The following PRR16 variants were observed in gnomAD, a reference collection of about 807,000 sequenced individuals.
PRR16 encodes proline rich 16, also known as protein Largen.
Under a neutral mutation model 18.2 loss-of-function variants are expected in PRR16, and 6 were observed. That is an observed-to-expected ratio of 0.33 (90% CI 0.18 to 0.65). PRR16 has a LOEUF of 0.65. Ranked by LOEUF, PRR16 falls within the 30% of genes least tolerant of loss-of-function variation. PRR16 has a pLI of 0.74. For synonymous variants in PRR16, 151 were observed against 147.8 expected (o/e 1.02, Z -0.16); for missense variants, 412 against 376.6 (o/e 1.09, Z -0.78).
intron 1 of PRR16, among the ~76,000 whole-genome samples, chr5:120,673,693 C>G (rs1756693147): frequency 6.6e-6 from 1 of 152,048 alleles, no homozygotes; most frequent in African/African-American, 2.4e-5. Flanking sequence ...AATCCCAGCA[C>G]TTTGGGAGAA....
At chr5:120,508,434 G>A (rs1750715413) in intron 1 of PRR16, among the ~76,000 whole-genome samples, 1 of 152,038 alleles carries the variant, frequency 6.6e-6, no homozygotes, top group African/African-American at 2.4e-5. Context: ...GAGAATGTGT[G>A]GAGTCTGATG....
the PRR16 span, among the ~76,000 whole-genome samples, chr5:120,782,593 T>C: frequency 2.0e-5 from 3 of 152,070 alleles, no homozygotes; most frequent in Admixed American, 6.6e-5. Context: ...CAGTCATAAG[T>C]TACAAGGTAG....
At chr5:120,748,588 G>A in the PRR16 span, among the ~76,000 whole-genome samples, 2 of 151,986 alleles carry the variant, frequency 1.3e-5, no homozygotes, top group Non-Finnish European at 2.9e-5. Flanking sequence ...AAGAATACAA[G>A]GTCTTATGAA....
intron 1 of PRR16, among the ~76,000 whole-genome samples, chr5:120,656,147 A>G (rs538636191): frequency 8.6e-5 from 13 of 151,698 alleles, no homozygotes; most frequent in East Asian, 1.9e-4. Flanking sequence ...CTTTTCACCA[A>G]TGACTGTCTT....
intron 1 of PRR16, among the ~76,000 whole-genome samples, chr5:120,652,274 T>C: frequency 6.6e-6 from 1 of 152,078 alleles, no homozygotes; most frequent in East Asian, 1.9e-4. Flanking sequence ...ACATCATGAA[T>C]TGGACCTGTG....
At chr5:120,534,241 G>C (rs1462480675) in intron 1 of PRR16, among the ~76,000 whole-genome samples, 1 of 152,198 alleles carries the variant, frequency 6.6e-6, no homozygotes, top group Admixed American at 6.5e-5. Context: ...AAGAGAGATA[G>C]AGCAGAGGGT....
At chr5:120,789,858 G>T in the PRR16 span, 2 of 151,976 alleles carry the variant, frequency 1.3e-5, no homozygotes, top group African/African-American at 2.4e-5. Flanking sequence ...ATTAGCAAAT[G>T]ATTGCTTCAT....
At chr5:120,601,364 A>G (rs1259682516) in intron 1 of PRR16, among the ~76,000 whole-genome samples, 17 of 151,906 alleles carry the variant, frequency 1.1e-4, no homozygotes, top group Admixed American at 1.1e-3. Context: ...GGCCTTGTGT[A>G]TGTCTTCTTT....
intron 1 of PRR16, among the ~76,000 whole-genome samples, chr5:120,577,201 A>T (rs1044037845): frequency 1.3e-5 from 2 of 152,108 alleles, no homozygotes; most frequent in African/African-American, 4.8e-5. Context: ...AAGGATGTGC[A>T]CTGAAATTAT....
intron 1 of PRR16, among the ~76,000 whole-genome samples, chr5:120,621,453 C>A (rs1754686949): frequency 1.3e-5 from 2 of 152,052 alleles, no homozygotes; most frequent in African/African-American, 4.8e-5. Flanking sequence ...AGTCTCTGAT[C>A]CCCCTGTCCA....
At chr5:120,738,092 T>C in the PRR16 span, among the ~76,000 whole-genome samples, 4 of 151,562 alleles carry the variant, frequency 2.6e-5, no homozygotes, top group Admixed American at 6.6e-5. Flanking sequence ...TAGAGTAGTA[T>C]AAAGAATCAT....
the PRR16 span, among the ~76,000 whole-genome samples, chr5:120,758,697 G>A: frequency 6.6e-6 from 1 of 151,880 alleles, no homozygotes; most frequent in Admixed American, 6.6e-5. Context: ...GCTTCCCCTT[G>A]GCCTCCTGTT....
chr5:120,778,561 C>T, the PRR16 span, among the ~76,000 whole-genome samples: 1 of 152,058 alleles, frequency 6.6e-6, no homozygotes, highest in African/African-American at 2.4e-5. Context: ...AGATGTTTTC[C>T]CAAGTCCAAT....
intron 1 of PRR16, among the ~76,000 whole-genome samples, chr5:120,532,233 A>C (rs1466372370): frequency 1.3e-5 from 2 of 152,162 alleles, no homozygotes; most frequent in African/African-American, 4.8e-5. Context: ...TTAGGTAAAG[A>C]TATTATACAA....
chr5:120,494,170 G>A (rs1015214640), intron 1 of PRR16, among the ~76,000 whole-genome samples: 5 of 152,022 alleles, frequency 3.3e-5, no homozygotes, highest in African/African-American at 1.2e-4. Context: ...AAGTTATCTG[G>A]TTTCACTGCT....
At chr5:120,558,178 G>A (rs1416430420) in intron 1 of PRR16, among the ~76,000 whole-genome samples, 2 of 151,636 alleles carry the variant, frequency 1.3e-5, no homozygotes, top group East Asian at 1.9e-4. Context: ...TTTTAAATGT[G>A]CAATTTTAAA....
chr5:120,677,402 T>C (rs1264941603), intron 1 of PRR16, among the ~76,000 whole-genome samples: 4 of 152,172 alleles, frequency 2.6e-5, no homozygotes, highest in African/African-American at 9.7e-5. Context: ...CACAGTTCTT[T>C]TACCGACCAG....
chr5:120,464,914 A>C (rs1749025677), intron 1 of PRR16, among the ~76,000 whole-genome samples: 1 of 151,896 alleles, frequency 6.6e-6, no homozygotes, highest in African/African-American at 2.4e-5. Context: ...GTGTCTCTGA[A>C]TCTGTGTGTG....
intron 1 of PRR16, among the ~76,000 whole-genome samples, chr5:120,489,317 C>T (rs141717215): frequency 0.011 from 1,611 of 152,152 alleles, 13 homozygotes; most frequent in East Asian, 0.023. Context: ...AAGGACTTGC[C>T]TTACGAATCT....
Sources: gnomAD v4.1 joint callset for allele counts (sites outside exome capture counted in the v4.1 genomes callset) on GRCh38, gnomAD v4.1.1 for gene constraint, MANE v1.5 for transcripts, NCBI Gene and HGNC (gene_info 2026-07-23, HGNC 2026-07-21) for gene names.